Variants in CFAP221 observed in about 807,000 individuals in gnomAD.
CFAP221 encodes the protein cilia- and flagella-associated protein 221.
Under a neutral mutation model 113.1 loss-of-function variants are expected in CFAP221, and 97 were observed. The observed-to-expected ratio is 0.86, with a 90% CI of 0.73 to 1.02. The LOEUF (loss-of-function observed/expected upper bound fraction) is 1.02. Among genes scored for constraint, CFAP221 ranks in the 50% least tolerant of loss-of-function variants. The probability of loss-of-function intolerance (pLI) is 0.00; values close to 1 mark genes in which losing one functional copy is unlikely to be tolerated. For missense variants in CFAP221, 1,025 were observed against 1,013.4 expected, an observed-to-expected ratio of 1.01 and a Z score of -0.16; for synonymous variants, 331 against 354.4, an observed-to-expected ratio of 0.93 and a Z score of 0.74.
At chr2:119,620,833 G>A (rs968512519) in intron 14 of CFAP221, among the ~76,000 whole-genome samples, 2 of 151,948 alleles carry the variant, frequency 1.3e-5, no homozygotes, top group African/African-American at 4.8e-5. Context: ...TCAGTGTGGC[G>A]TATTCAGGAG....
chr2:119,656,529 C>G lies in CFAP221; in HGVS notation c.*59C>G. ...TTCCGTGGGCCACTGTGGCCCCTTGCGTCCATTTACATGCCAGCCATCTCT... is the reference window on the plus strand; with the variant it reads ...TTCCGTGGGCCACTGTGGCCCCTTGGGTCCATTTACATGCCAGCCATCTCT... On this transcript the variant is annotated 3_prime_UTR_variant, in exon 24 of 24. Coordinates refer to ENST00000413369, the MANE Select transcript of CFAP221 (RefSeq NM_001271049.2). 1 of 1,182,094 alleles carries G rather than the reference C, an allele frequency of 8.5e-7. No homozygotes were observed. Among genetic ancestry groups the G allele is most frequent in the Non-Finnish European group, 1.2e-6 (1 of 801,448 alleles). The allele number at this position is 1,182,094 out of a possible 1,614,324, so 73.2% of individuals were successfully genotyped here.
At chr2:119,585,549 G>T (rs1034830270) in intron 6 of CFAP221, among the ~76,000 whole-genome samples, 1 of 152,150 alleles carries the variant, frequency 6.6e-6, no homozygotes, top group Non-Finnish European at 1.5e-5. Context: ...CAAAGCAAAA[G>T]ATTTGTTAGA....
At chr2:119,556,329 T>C (rs1680796379) in intron 3 of CFAP221, 1 of 152,220 alleles carries the variant, frequency 6.6e-6, no homozygotes, top group African/African-American at 2.4e-5. Flanking sequence ...GAACGTTTTC[T>C]TCCTGTTTCT....
At chr2:119,616,175 AT>A (rs1440453672) in intron 14 of CFAP221, among the ~76,000 whole-genome samples, 3 of 152,244 alleles carry the variant, frequency 2.0e-5, no homozygotes, top group Non-Finnish European at 4.4e-5. Flanking sequence ...AATCAAGATA[AT>A]TACCATATCC....
At chr2:119,635,409 A>T (rs1210215442) in intron 19 of CFAP221, among the ~76,000 whole-genome samples, 2 of 152,228 alleles carry the variant, frequency 1.3e-5, no homozygotes, top group Non-Finnish European at 2.9e-5. Context: ...AAGAAATCAG[A>T]CAAAAAAGAT....
At position 119,587,198 on chromosome 2, in the gene CFAP221, G is replaced by A. The variant is rs748629052; in HGVS notation, c.607G>A (p.Ala203Thr). The change falls in exon 7 of 24, where the codon GCC becomes ACC. Residue 203 changes from alanine (A) to threonine (T), a missense_variant. Coordinates refer to ENST00000413369, the MANE Select transcript of CFAP221 (RefSeq NM_001271049.2). ...TATCACCTTGATTCAGTCTCATCAA[G>A]CCTTTGCTATTGAGCCAACATCAGG... ...FYITLIQSHQ[A>T]FAIEPTSGII... 40 of 1,530,782 alleles carry A rather than the reference G, an allele frequency of 2.6e-5. No individual in the cohort carries two copies. Among genetic ancestry groups the A allele is most frequent in the Non-Finnish European group, 3.3e-5 (38 of 1,143,934 alleles). The allele number at this position is 1,530,782 out of a possible 1,614,324, so 94.8% of individuals were successfully genotyped here. A position where few individuals can be genotyped will look rare whatever the true frequency, so the allele number is the denominator to read the frequency against.
At chr2:119,605,918 A>C (rs1684723289) in intron 11 of CFAP221, among the ~76,000 whole-genome samples, 1 of 152,168 alleles carries the variant, frequency 6.6e-6, no homozygotes, top group South Asian at 2.1e-4. Flanking sequence ...AGTGCATATA[A>C]ATGTTCATAG....
At chr2:119,627,588 A>G (rs1686404035) in intron 15 of CFAP221, 65 bp from the exon 16 acceptor site, 4 of 1,497,468 alleles carry the variant, frequency 2.7e-6, no homozygotes, top group Non-Finnish European at 3.7e-6. Flanking sequence ...ATGCAAATAT[A>G]TATGGTGATT....
chr2:119,653,248 G>T (rs1688234525), intron 23 of CFAP221, among the ~76,000 whole-genome samples: 1 of 151,950 alleles, frequency 6.6e-6, no homozygotes, highest in Admixed American at 6.6e-5. Context: ...GGGCGTGGTG[G>T]CAGGTGCCTA....
intron 8 of CFAP221, among the ~76,000 whole-genome samples, chr2:119,603,553 C>G (rs2104670021): frequency 6.6e-6 from 1 of 152,256 alleles, no homozygotes; most frequent in African/African-American, 2.4e-5. Flanking sequence ...GGGTGGTCAG[C>G]AAATACATAT....
intron 6 of CFAP221, among the ~76,000 whole-genome samples, chr2:119,570,978 C>T (rs146276198): frequency 2.5e-3 from 387 of 152,166 alleles, no homozygotes; most frequent in African/African-American, 8.9e-3. Context: ...AGTGGCTGTA[C>T]CATTTACATT....
At chr2:119,657,531 T>G (rs905203144), downstream of CFAP221, among the ~76,000 whole-genome samples, 1 of 152,236 alleles carries the variant, frequency 6.6e-6, no homozygotes, top group African/African-American at 2.4e-5. Context: ...ATTTTTAAAC[T>G]AAAGGAAAAC....
chr2:119,589,081 C>T (rs1490947646), intron 7 of CFAP221, among the ~76,000 whole-genome samples: 2 of 152,160 alleles, frequency 1.3e-5, no homozygotes, highest in African/African-American at 4.8e-5. Flanking sequence ...TTTGAATGAC[C>T]TGCATTGTGT....
At chr2:119,616,622 C>T (rs892097433) in intron 14 of CFAP221, among the ~76,000 whole-genome samples, 4 of 152,124 alleles carry the variant, frequency 2.6e-5, no homozygotes, top group African/African-American at 9.7e-5. Context: ...CTGGTCTGGC[C>T]GCAGCCACAC....
intron 19 of CFAP221, among the ~76,000 whole-genome samples, chr2:119,637,478 T>C (rs1329324013): frequency 6.6e-6 from 1 of 152,238 alleles, no homozygotes; most frequent in Non-Finnish European, 1.5e-5. Flanking sequence ...GGGGCGTTTT[T>C]AACTTGTTTT....
At chr2:119,620,744 A>G (rs1034089866) in intron 14 of CFAP221, among the ~76,000 whole-genome samples, 2 of 152,212 alleles carry the variant, frequency 1.3e-5, no homozygotes, top group African/African-American at 4.8e-5. Flanking sequence ...ACATAACAAT[A>G]TTAATCTTAA....
At chr2:119,597,308 C>A (rs1684050755) in intron 7 of CFAP221, among the ~76,000 whole-genome samples, 2 of 152,170 alleles carry the variant, frequency 1.3e-5, no homozygotes, top group African/African-American at 4.8e-5. Context: ...CTGTGTGGTC[C>A]TGGGGCCTCT....
chr2:119,583,928 C>T (rs1005174793), intron 6 of CFAP221, among the ~76,000 whole-genome samples: 5 of 152,198 alleles, frequency 3.3e-5, no homozygotes, highest in Admixed American at 6.5e-5. Flanking sequence ...GACTTCCCAG[C>T]CTCCAGAACT....
intron 14 of CFAP221, among the ~76,000 whole-genome samples, chr2:119,622,935 AGCATTCTCTTT>A (rs1686041637): frequency 6.6e-6 from 1 of 152,222 alleles, no homozygotes; most frequent in Non-Finnish European, 1.5e-5. Context: ...AAAAGCTGGA[AGCATTCTCTTT>A]GAAAACTGGC....
Sources: allele counts gnomAD v4.1 joint callset (sites outside exome capture counted in the v4.1 genomes callset), GRCh38; gene constraint gnomAD v4.1.1; transcripts MANE v1.5; gene names NCBI Gene and HGNC (gene_info 2026-07-23, HGNC 2026-07-21).